ITGA9: variants seen among roughly 807,000 people sequenced by gnomAD.
ITGA9 encodes the protein integrin subunit alpha 9.
In ITGA9, 56 loss-of-function variants were observed where a neutral mutation model predicts 127.8. The observed-to-expected ratio is 0.44, with a 90% CI of 0.35 to 0.55. The LOEUF is 0.55. ITGA9 is among the 20% of genes least tolerant of loss of function. The probability of loss-of-function intolerance (pLI) is 0.00; values close to 1 mark genes in which losing one functional copy is unlikely to be tolerated. For missense variants in ITGA9, 1,196 were observed against 1,347.1 expected (o/e 0.89, Z 1.76); for synonymous variants, 508 against 514.5 (o/e 0.99, Z 0.17).
At chr3:37,601,017 C>T (rs1036255506) in intron 15 of ITGA9, among the ~76,000 whole-genome samples, 12 of 152,206 alleles carry the variant, frequency 7.9e-5, no homozygotes, top group African/African-American at 1.7e-4. Context: ...ACATCAGTCA[C>T]GTGGCTGTGG....
intron 15 of ITGA9, among the ~76,000 whole-genome samples, chr3:37,580,546 A>T (rs970216377): frequency 6.6e-5 from 10 of 152,232 alleles, no homozygotes; most frequent in African/African-American, 2.4e-4. Context: ...TTGGAAGCTT[A>T]ACAGGGCTTT....
chr3:37,813,145 G>A (rs1175247788), intron 27 of ITGA9, among the ~76,000 whole-genome samples: 2 of 152,168 alleles, frequency 1.3e-5, no homozygotes, highest in Admixed American at 6.5e-5. Context: ...GAAGGGGCTC[G>A]TGGGTTTCCT....
intron 13 of ITGA9, among the ~76,000 whole-genome samples, chr3:37,529,018 C>CTT (rs4020810): frequency 0.62 from 94,394 of 151,820 alleles, 29,685 homozygotes; most frequent in East Asian, 0.86. Context: ...AGTATGGACT[C>CTT]TTGTTTCTGG....
At chr3:37,785,338 T>C (rs1263301018) in intron 26 of ITGA9, among the ~76,000 whole-genome samples, 32 of 152,202 alleles carry the variant, frequency 2.1e-4, no homozygotes, top group Non-Finnish European at 4.3e-4. Flanking sequence ...GGGAAAATGG[T>C]CTGGAAGTAC....
chr3:37,559,975 A>T (rs1172801331), intron 15 of ITGA9, among the ~76,000 whole-genome samples: 2 of 152,020 alleles, frequency 1.3e-5, no homozygotes, highest in Middle Eastern at 6.8e-3. Flanking sequence ...ATTATGCTTT[A>T]ACTTCTAGGG....
chr3:37,667,184 T>C (rs1700593979), intron 17 of ITGA9, among the ~76,000 whole-genome samples: 1 of 152,172 alleles, frequency 6.6e-6, no homozygotes, highest in South Asian at 2.1e-4. Flanking sequence ...AACAGGAGTA[T>C]CATATCACCT....
intron 17 of ITGA9, among the ~76,000 whole-genome samples, chr3:37,666,697 G>A (rs1314948510): frequency 2.0e-5 from 3 of 152,160 alleles, no homozygotes; most frequent in South Asian, 2.1e-4. Context: ...GCTACATTCT[G>A]TTGATCAAAG....
intron 23 of ITGA9, among the ~76,000 whole-genome samples, chr3:37,765,279 A>G (rs1386542497): frequency 6.6e-6 from 1 of 152,124 alleles, no homozygotes; most frequent in Non-Finnish European, 1.5e-5. Flanking sequence ...CTTAATTTCA[A>G]TGTGAGAATA....
At chr3:37,675,687 G>C (rs1279309882) in intron 17 of ITGA9, among the ~76,000 whole-genome samples, 2 of 149,958 alleles carry the variant, frequency 1.3e-5, no homozygotes, top group Admixed American at 6.6e-5. Flanking sequence ...ATTCACTAAA[G>C]CATTTTATAA....
chr3:37,768,099 G>T lies in ITGA9; in HGVS notation c.2542-9293G>T, dbSNP rs6802493. Among the ~76,000 whole-genome samples the T allele has an allele frequency of 9.9e-3, 1,502 of 152,220 alleles. 21 individuals are homozygous for T. The highest frequency in any genetic ancestry group is 0.034 in the African/African-American group (1,401 of 41,510). On this transcript the variant is annotated intron_variant, in intron 23 of 27. Coordinates refer to ENST00000264741, the MANE Select transcript of ITGA9 (RefSeq NM_002207.3). ...TGAATGGTGATACGTGAAAGTATTT[G>T]TCCTAGGATTCATTAATATTATTAT...
intron 15 of ITGA9, among the ~76,000 whole-genome samples, chr3:37,618,026 A>C (rs945941511): frequency 6.6e-6 from 1 of 152,146 alleles, no homozygotes; most frequent in Non-Finnish European, 1.5e-5. Flanking sequence ...CCTTTGGAGG[A>C]GGAGAGGCAC....
chr3:37,793,226 C>T (rs981133428), intron 26 of ITGA9, among the ~76,000 whole-genome samples: 1 of 152,026 alleles, frequency 6.6e-6, no homozygotes, highest in Non-Finnish European at 1.5e-5. Flanking sequence ...CATACCCCCT[C>T]ACTGGACCCG....
At chr3:37,779,789 C>T in intron 24 of ITGA9, 113 bp from the exon 25 acceptor site, 1 of 998,224 alleles carries the variant, frequency 1.0e-6, no homozygotes, top group Non-Finnish European at 1.6e-6. Flanking sequence ...TGGATTTCCT[C>T]TGCCTGGAAT....
intron 27 of ITGA9, among the ~76,000 whole-genome samples, chr3:37,810,336 G>C (rs756558962): frequency 1.3e-5 from 2 of 152,180 alleles, no homozygotes; most frequent in African/African-American, 4.8e-5. Context: ...ACCTTCACTA[G>C]GCAAAGAGTA....
chr3:37,656,471 A>C (rs553681648), intron 17 of ITGA9, among the ~76,000 whole-genome samples: 1 of 152,252 alleles, frequency 6.6e-6, no homozygotes, highest in South Asian at 2.1e-4. Context: ...ATGGGAGTTC[A>C]CTCATGATTT....
intron 17 of ITGA9, among the ~76,000 whole-genome samples, chr3:37,660,248 A>G (rs1700520719): frequency 6.6e-6 from 1 of 152,228 alleles, no homozygotes; most frequent in Admixed American, 6.5e-5. Context: ...AATTTTAAAT[A>G]GGCCTTCCAC....
chr3:37,709,317 C>G (rs1158258286), intron 18 of ITGA9, among the ~76,000 whole-genome samples: 2 of 152,158 alleles, frequency 1.3e-5, no homozygotes, highest in Admixed American at 6.5e-5. Flanking sequence ...AGATTTTTCT[C>G]TCCCAGCAAA....
rs540235002 is a variant in ITGA9, at chr3:37,701,440, A to G, written c.2067+17425A>G. ...AAGGACAGAGTGTCAAGCCAGCCACAACTATGGGCAGCTGGGCTTACTCCC... is the reference window on the plus strand; with the variant it reads ...AAGGACAGAGTGTCAAGCCAGCCACGACTATGGGCAGCTGGGCTTACTCCC... On this transcript the variant is annotated intron_variant, in intron 18 of 27. Coordinates refer to ENST00000264741, the MANE Select transcript of ITGA9 (RefSeq NM_002207.3). Among the ~76,000 whole-genome samples the G allele has an allele frequency of 2.2e-4, 33 of 152,322 alleles. No homozygotes were observed. In the South Asian group the frequency reaches 5.4e-3, roughly 25 times the overall value.
chr3:37,779,864 T>G (rs1403728491), intron 24 of ITGA9, 38 bp from the exon 25 acceptor site: 1 of 1,611,178 alleles, frequency 6.2e-7, no homozygotes, highest in African/African-American at 1.3e-5. Flanking sequence ...GTCTTTGTTC[T>G]TAATTCCATT....
Sources: gnomAD v4.1 joint callset for allele counts (sites outside exome capture counted in the v4.1 genomes callset) on GRCh38, gnomAD v4.1.1 for gene constraint, MANE v1.5 for transcripts, NCBI Gene and HGNC (gene_info 2026-07-23, HGNC 2026-07-21) for gene names.